PDE1C: variants seen among roughly 807,000 people sequenced by gnomAD.
PDE1C encodes dual specificity calcium/calmodulin-dependent 3',5'-cyclic nucleotide phosphodiesterase 1C.
Under a neutral mutation model 93.1 loss-of-function variants are expected in PDE1C, and 62 were observed. The observed-to-expected ratio is 0.67, with a 90% confidence interval of 0.54 to 0.82. The LOEUF is 0.82. Among genes scored for constraint, PDE1C ranks in the 40% least tolerant of loss-of-function variants. PDE1C has a pLI of 0.00. For synonymous variants in PDE1C, 325 were observed against 310.1 expected, an observed-to-expected ratio of 1.05 and a Z score of -0.50; for missense variants, 742 against 884.6, an observed-to-expected ratio of 0.84 and a Z score of 2.04.
At chr7:32,221,468 C>A (rs1328320462) in intron 1 of PDE1C, among the ~76,000 whole-genome samples, 1 of 152,128 alleles carries the variant, frequency 6.6e-6, no homozygotes, top group African/African-American at 2.4e-5. Context: ...CATGGCCATG[C>A]CTTTGACAAG....
rs1340295766 is a variant in PDE1C at position 32,185,246 on chromosome 7, A to G, written c.137-15290T>C. ...GGCAACAAGAGCAAAACTCTGTCTCAGAAAAAAAAAAAAAAAAAAAAAAAA... is the reference window on the plus strand; with the variant it reads ...GGCAACAAGAGCAAAACTCTGTCTCGGAAAAAAAAAAAAAAAAAAAAAAAA... On this transcript the variant is annotated intron_variant, in intron 2 of 18. Coordinates refer to the PDE1C transcript ENST00000396193. 2.5e-4 allele frequency among the ~76,000 whole-genome samples: 25 copies of G among 98,992 alleles called. 1 individual carries two copies. The East Asian group carries it at 9.9e-3, about 39-fold the overall frequency. The allele number at this position is 98,992 out of a possible 152,430, so 64.9% of individuals were successfully genotyped here. A position where few individuals can be genotyped will look rare whatever the true frequency, so the allele number is the denominator to read the frequency against.
intron 3 of PDE1C, among the ~76,000 whole-genome samples, chr7:32,143,636 G>A (rs150759690): frequency 1.0e-3 from 155 of 152,208 alleles, no homozygotes; most frequent in South Asian, 1.9e-3. Context: ...TCAACAAGTT[G>A]TTCCCATCTT....
intron 1 of PDE1C, among the ~76,000 whole-genome samples, chr7:32,280,141 G>A (rs1435687490): frequency 6.6e-6 from 1 of 152,110 alleles, no homozygotes; most frequent in Non-Finnish European, 1.5e-5. Context: ...TTTTAACAAT[G>A]AGAATATAAT....
In PDE1C at chr7:32,005,555, CAAAAAAAAAAA is replaced by C. The variant is rs59246166; in HGVS notation, c.128+45988_128+45998del. Among the ~76,000 whole-genome samples, 95 of 50,760 alleles carry C rather than the reference CAAAAAAAAAAA, an allele frequency of 1.9e-3. 3 individuals are homozygous for C. Among genetic ancestry groups the C allele is most frequent in the African/African-American group, 5.2e-3 (66 of 12,610 alleles). 33.3% of individuals were successfully genotyped at this position (50,760 alleles called of 152,430 possible). ...TGGGCGACAGAGCGAGACTCCATTT[CAAAAAAAAAAA>C]AAAAAAAAAAAAAAAGAATTGTGAT... is the stretch of plus-strand genomic sequence containing the variant. On this transcript the variant is annotated intron_variant, in intron 2 of 17. Coordinates refer to ENST00000396191, the MANE Select transcript of PDE1C (RefSeq NM_001191057.4).
chr7:32,049,561 C>T (rs1238415825), intron 2 of PDE1C, among the ~76,000 whole-genome samples: 1 of 152,072 alleles, frequency 6.6e-6, no homozygotes, highest in East Asian at 1.9e-4. Flanking sequence ...CCACTGGACA[C>T]CCCTGGAGGA....
chr7:32,320,976 A>G (rs1554305751), intron 1 of PDE1C, among the ~76,000 whole-genome samples: 1 of 152,200 alleles, frequency 6.6e-6, no homozygotes. Context: ...CACCCACTAC[A>G]GAGTCCTGAT....
chr7:32,421,820 A>G (rs752187444), intron 1 of PDE1C, among the ~76,000 whole-genome samples: 8 of 152,206 alleles, frequency 5.3e-5, no homozygotes, highest in Non-Finnish European at 1.2e-4. Context: ...TAGGGGCTTT[A>G]TAAGCTGTAA....
In PDE1C at chr7:31,823,172, T is replaced by C. The variant is rs377737997; in HGVS notation, c.1483A>G (p.Asn495Asp). ...TSGSEGSAPINNSVISVDYKS... is the reference protein window; with the variant it reads ...TSGSEGSAPIDNSVISVDYKS... Reference sequence around the variant, plus strand: ...TAGTCAACGGAGATGACAGAATTGTTGATCGGGGCACTTCCCTCTGAACCA... The same window carrying C: ...TAGTCAACGGAGATGACAGAATTGTCGATCGGGGCACTTCCCTCTGAACCA... Residue 495 changes from asparagine to aspartate, a missense_variant, in exon 14 of 18, where the codon AAC becomes GAC. Transcript: ENST00000396191. 3.1e-6 allele frequency: 5 copies of C among 1,613,312 alleles called. No individual in the cohort carries two copies. The highest frequency in any genetic ancestry group is 1.3e-5 in the African/African-American group (1 of 74,872).
chr7:31,934,391 T>A (rs886065806), intron 2 of PDE1C, among the ~76,000 whole-genome samples: 3 of 152,214 alleles, frequency 2.0e-5, no homozygotes, highest in African/African-American at 7.2e-5. Flanking sequence ...ATAAGTGTAA[T>A]TCAGACAATA....
chr7:31,652,044 T>G, the PDE1C span: 3 of 1,593,184 alleles, frequency 1.9e-6, no homozygotes, highest in Non-Finnish European at 2.6e-6. Flanking sequence ...GAGAAGGGAT[T>G]TTACTGGTAT....
rs1160748469 is a variant in PDE1C at position 31,873,341 on chromosome 7, A to C, written c.560T>G (p.Phe187Cys). The C allele has an allele frequency of 6.2e-7, 1 of 1,613,910 alleles. No homozygotes were observed. Among genetic ancestry groups the C allele is most frequent in the Non-Finnish European group, 8.5e-7 (1 of 1,179,822 alleles). ...NEASGDHALKFIFYELLTRYD... is the reference protein window; with the variant it reads ...NEASGDHALKCIFYELLTRYD... ...ACGTGTGAGTAGTTCATAGAAAATAAATTTCAGTGCATGATCCCCACTGGC... is the reference window on the plus strand; with the variant it reads ...ACGTGTGAGTAGTTCATAGAAAATACATTTCAGTGCATGATCCCCACTGGC... The change falls in exon 6 of 18, where the codon TTT becomes TGT. Residue 187 changes from phenylalanine (F) to cysteine (C), a missense_variant. By Grantham distance (205) the Phe-to-Cys change is radical (BLOSUM62 -2). Coordinates refer to ENST00000396191, the MANE Select transcript of PDE1C (RefSeq NM_001191057.4).
intron 2 of PDE1C, among the ~76,000 whole-genome samples, chr7:31,987,544 T>G (rs1307141085): frequency 6.6e-6 from 1 of 152,196 alleles, no homozygotes; most frequent in Non-Finnish European, 1.5e-5. Flanking sequence ...TGCAGTCTCC[T>G]CACAGAGCTT....
chr7:32,176,698 C>T (rs34497075), intron 2 of PDE1C, among the ~76,000 whole-genome samples: 51,073 of 151,686 alleles, frequency 0.34, 9,856 homozygotes, highest in East Asian at 0.59. Context: ...TGCACACACA[C>T]GTACTCACAC....
At chr7:31,853,753 G>A (rs1040691900) in intron 7 of PDE1C, among the ~76,000 whole-genome samples, 6 of 151,692 alleles carry the variant, frequency 4.0e-5, no homozygotes, top group Non-Finnish European at 7.4e-5. Context: ...TCTGTTGTCC[G>A]GGCTGGAGTA....
chr7:32,118,964 T>TG (rs1038635422), intron 3 of PDE1C, among the ~76,000 whole-genome samples: 1 of 151,964 alleles, frequency 6.6e-6, no homozygotes, highest in Non-Finnish European at 1.5e-5. Flanking sequence ...TCCTCCAGGA[T>TG]GGGGGGTAGA....
intron 1 of PDE1C, among the ~76,000 whole-genome samples, chr7:32,291,202 A>G (rs1000158465): frequency 6.6e-6 from 1 of 152,208 alleles, no homozygotes; most frequent in African/African-American, 2.4e-5. Context: ...TAAACTGTGA[A>G]GCCAAAATTC....
the PDE1C span, among the ~76,000 whole-genome samples, chr7:31,647,673 C>CAAAAAAAAAAA: frequency 1.4e-5 from 1 of 69,340 alleles, no homozygotes; most frequent in Non-Finnish European, 2.8e-5. Context: ...GTCTCCGTCT[C>CAAAAAAAAAAA]AAAAAAAAAA....
rs1482153122 is a variant in PDE1C at position 32,360,510 on chromosome 7, G to A, written c.310+67312C>T. Among the ~76,000 whole-genome samples the A allele has an allele frequency of 3.3e-5, 5 of 152,152 alleles. No homozygotes were observed. The South Asian group carries it at 1.0e-3, about 32-fold the overall frequency. ...GTGGAGAGTGTGCAGCGCTGCTCTG[G>A]TTCTTGTCCATTCAGATGCTGTAAA... On this transcript the variant is annotated intron_variant, in intron 1 of 1. Coordinates refer to the PDE1C transcript ENST00000672256.
At chr7:31,637,962 C>A in the PDE1C span, among the ~76,000 whole-genome samples, 1 of 152,170 alleles carries the variant, frequency 6.6e-6, no homozygotes, top group Non-Finnish European at 1.5e-5. Context: ...GATGGCTAGC[C>A]AGTTTTCCCA....
Sources: gnomAD v4.1 joint callset for allele counts (sites outside exome capture counted in the v4.1 genomes callset) on GRCh38, gnomAD v4.1.1 for gene constraint, MANE v1.5 for transcripts, NCBI Gene and HGNC (gene_info 2026-07-23, HGNC 2026-07-21) for gene names.